The following TOGARAM2 variants were observed in gnomAD, a reference collection of about 807,000 sequenced individuals.
TOGARAM2 encodes the protein TOG array regulator of axonemal microtubules 2, also known as TOG array regulator of axonemal microtubules protein 2.
TOGARAM2 carries 85 observed loss-of-function variants against 93.3 expected under a neutral mutation model. The observed-to-expected ratio is 0.91, with a 90% CI of 0.76 to 1.09. The LOEUF is 1.09. Ranked by LOEUF, TOGARAM2 falls within the 50% of genes least tolerant of loss-of-function variation. The probability of loss-of-function intolerance (pLI) is 0.00; values close to 1 mark genes in which losing one functional copy is unlikely to be tolerated. For synonymous variants in TOGARAM2, 593 were observed against 552.8 expected (o/e 1.07, Z -1.02); for missense variants, 1,277 against 1,334.5 (o/e 0.96, Z 0.67).
At chr2:29,047,394 T>G (rs1365441546) in intron 19 of TOGARAM2, 2 of 152,254 alleles carry the variant, frequency 1.3e-5, no homozygotes, top group Non-Finnish European at 2.9e-5. Flanking sequence ...AATTTTTTCT[T>G]GTCTATTTCC....
chr2:29,001,251 C>T (rs1673280107), intron 4 of TOGARAM2, among the ~76,000 whole-genome samples: 2 of 152,224 alleles, frequency 1.3e-5, no homozygotes, highest in Non-Finnish European at 2.9e-5. Context: ...CACAACAGTG[C>T]TCCAAGACAG....
At chr2:29,005,659 C>A (rs1226299382) in intron 6 of TOGARAM2, among the ~76,000 whole-genome samples, 2 of 36,846 alleles carry the variant, frequency 5.4e-5, no homozygotes, top group South Asian at 1.6e-3. Flanking sequence ...TGTGTGAGGG[C>A]ATGCATGTGT....
intron 10 of TOGARAM2, among the ~76,000 whole-genome samples, chr2:29,020,546 G>C (rs1030372123): frequency 1.3e-5 from 2 of 152,204 alleles, no homozygotes; most frequent in African/African-American, 4.8e-5. Context: ...TAGGGCAAAG[G>C]GGGAGGCCAC....
chr2:28,977,300 G>A (rs1286715650), upstream of TOGARAM2, among the ~76,000 whole-genome samples: 1 of 152,166 alleles, frequency 6.6e-6, no homozygotes, highest in Non-Finnish European at 1.5e-5. Context: ...TATCCTGAGG[G>A]ATGGGTACCT....
At position 29,002,749 on chromosome 2, in the gene TOGARAM2, T is replaced by A. The variant is rs1200335848; in HGVS notation, c.639+2T>A. 1 of 1,612,318 alleles carries A rather than the reference T, an allele frequency of 6.2e-7. No homozygotes were observed. The highest frequency in any genetic ancestry group is 1.7e-5 in the Admixed American group (1 of 59,802). ...GAGTTGAGACCCGGTGCTCAGGAGG[T>A]AAGGTGGTTCGACTGCTGTGAGTCT... On this transcript the variant is annotated splice_donor_variant, in intron 5 of 19. Coordinates refer to ENST00000379558, the MANE Select transcript of TOGARAM2 (RefSeq NM_199280.4). LOFTEE classifies it high-confidence loss of function.
intron 18 of TOGARAM2, among the ~76,000 whole-genome samples, chr2:29,038,383 G>C (rs1039445132): frequency 1.3e-5 from 2 of 152,182 alleles, no homozygotes; most frequent in Non-Finnish European, 2.9e-5. Context: ...GGAATGGAAT[G>C]GTGTGGCCCT....
intron 18 of TOGARAM2, among the ~76,000 whole-genome samples, chr2:29,037,543 G>T (rs774560027): frequency 2.6e-5 from 4 of 152,136 alleles, no homozygotes; most frequent in Non-Finnish European, 4.4e-5. Flanking sequence ...CTTTAGAGAG[G>T]CTGGACACCC....
intron 8 of TOGARAM2, 93 bp from the exon 9 acceptor site, chr2:29,017,061 G>GT (rs1199607772): frequency 1.3e-6 from 2 of 1,495,504 alleles, no homozygotes; most frequent in Non-Finnish European, 1.8e-6. Context: ...TTCCAGGACA[G>GT]CAATTGGCAC....
chr2:29,017,041 T>A, intron 8 of TOGARAM2, 113 bp from the exon 9 acceptor site: 4 of 1,382,216 alleles, frequency 2.9e-6, no homozygotes, highest in Non-Finnish European at 4.0e-6. Flanking sequence ...AGTTTGTCTT[T>A]TTTGTTCACT....
chr2:29,021,398 G>C (rs1325257318), intron 10 of TOGARAM2, among the ~76,000 whole-genome samples: 6 of 152,250 alleles, frequency 3.9e-5, no homozygotes, highest in African/African-American at 1.4e-4. Flanking sequence ...TGCTGACAGA[G>C]GAGCCGAGGG....
At chr2:29,016,031 A>G (rs1439714027) in intron 8 of TOGARAM2, among the ~76,000 whole-genome samples, 1 of 152,084 alleles carries the variant, frequency 6.6e-6, no homozygotes, top group Non-Finnish European at 1.5e-5. Context: ...CTGCTGCTCA[A>G]TATCTCTGCT....
In TOGARAM2 at chr2:29,035,556, T is replaced by G; in HGVS notation, c.2318T>G (p.Leu773Arg). The G allele has an allele frequency of 1.3e-6, 2 of 1,589,560 alleles. No homozygotes were observed. Among genetic ancestry groups the G allele is most frequent in the South Asian group, 2.3e-5 (2 of 86,626 alleles). Residue 773 changes from leucine to arginine, a missense_variant, in exon 17 of 20, where the codon CTG (leucine) becomes CGG (arginine). Physicochemically the swap from Leu to Arg is moderately radical, Grantham distance 102. Coordinates refer to ENST00000379558, the MANE Select transcript of TOGARAM2 (RefSeq NM_199280.4). ...GAGCAGCTACGGGAGCTGACACGGCTGCTGGAGGCCAAGGACTTCCGGTCC... is the reference window on the plus strand; with the variant it reads ...GAGCAGCTACGGGAGCTGACACGGCGGCTGGAGGCCAAGGACTTCCGGTCC... ...MVEQLRELTR[L>R]LEAKDFRSRM...
At chr2:28,977,346 C>A (rs73922916), upstream of TOGARAM2, among the ~76,000 whole-genome samples, 1 of 152,076 alleles carries the variant, frequency 6.6e-6, no homozygotes, top group African/African-American at 2.4e-5. Context: ...AGCATACCAC[C>A]TCCTAGGGTC....
At chr2:28,976,785 C>G (rs751589618), upstream of TOGARAM2, among the ~76,000 whole-genome samples, 43 of 152,238 alleles carry the variant, frequency 2.8e-4, no homozygotes, top group Non-Finnish European at 2.2e-4. Flanking sequence ...CCAGGAACTT[C>G]CCAGGGAACA....
intron 1 of TOGARAM2, among the ~76,000 whole-genome samples, chr2:28,982,098 G>A (rs1251066091): frequency 6.6e-6 from 1 of 152,212 alleles, no homozygotes; most frequent in Non-Finnish European, 1.5e-5. Context: ...CATCTGTGAA[G>A]AAGGGTTTAA....
At chr2:28,982,106 T>TA (rs953682340) in intron 1 of TOGARAM2, among the ~76,000 whole-genome samples, 5 of 152,102 alleles carry the variant, frequency 3.3e-5, no homozygotes, top group African/African-American at 1.2e-4. Context: ...AAGAAGGGTT[T>TA]AAAAAAAGCC....
intron 1 of TOGARAM2, among the ~76,000 whole-genome samples, chr2:28,963,862 G>A (rs7585289): frequency 6.6e-6 from 1 of 152,132 alleles, no homozygotes; most frequent in Middle Eastern, 3.2e-3. Flanking sequence ...ACAAAAATTA[G>A]CTGGGCATGG....
intron 2 of TOGARAM2, among the ~76,000 whole-genome samples, chr2:28,995,216 C>T (rs565673206): frequency 1.1e-3 from 168 of 152,314 alleles, no homozygotes; most frequent in Admixed American, 2.4e-3. Context: ...GGAGGGTGAA[C>T]GACTCTGTTT....
At chr2:29,030,931 T>C (rs1463547013) in intron 14 of TOGARAM2, among the ~76,000 whole-genome samples, 6 of 152,188 alleles carry the variant, frequency 3.9e-5, no homozygotes, top group Admixed American at 3.9e-4. Context: ...AATGAACTCA[T>C]TGCCTCCTCT....
Sources: gnomAD v4.1 joint callset for allele counts (sites outside exome capture counted in the v4.1 genomes callset) on GRCh38, gnomAD v4.1.1 for gene constraint, MANE v1.5 for transcripts, NCBI Gene and HGNC (gene_info 2026-07-23, HGNC 2026-07-21) for gene names.